VTI1A: variants seen among roughly 807,000 people sequenced by gnomAD.
VTI1A encodes vesicle transport through interaction with t-SNAREs 1A.
In VTI1A, 22 loss-of-function variants were observed where a neutral mutation model predicts 34.9. The ratio of observed to expected loss-of-function variants is 0.63; its 90% confidence interval spans 0.45 to 0.90. The LOEUF is 0.90. VTI1A is among the 40% of genes least tolerant of loss of function. The pLI, the probability that VTI1A is intolerant of heterozygous loss-of-function variation, is 0.00. For missense variants in VTI1A, 268 were observed against 275.6 expected, an observed-to-expected ratio of 0.97 and a Z score of 0.20; for synonymous variants, 87 against 97.3, an observed-to-expected ratio of 0.89 and a Z score of 0.62.
intron 3 of VTI1A, 68 bp downstream of exon 3, chr10:112,464,725 C>A: frequency 7.3e-7 from 1 of 1,375,116 alleles, no homozygotes; most frequent in South Asian, 1.3e-5. Flanking sequence ...ATGCCTCAGT[C>A]AGCATTAAAT....
intron 7 of VTI1A, among the ~76,000 whole-genome samples, chr10:112,762,754 T>C (rs917701674): frequency 6.6e-6 from 1 of 152,142 alleles, no homozygotes. Context: ...AAAATGAACA[T>C]TTTCACTTGA....
At chr10:112,723,678 T>C (rs1849898506) in intron 7 of VTI1A, among the ~76,000 whole-genome samples, 1 of 152,226 alleles carries the variant, frequency 6.6e-6, no homozygotes, top group South Asian at 2.1e-4. Flanking sequence ...AATGCCAGTG[T>C]CCTAATCGTT....
At chr10:112,844,703 ATCC>A in the VTI1A span, among the ~76,000 whole-genome samples, 11 of 152,178 alleles carry the variant, frequency 7.2e-5, no homozygotes, top group Admixed American at 2.0e-4. Context: ...CTGGCGTGTA[ATCC>A]TTTTTTATAA....
chr10:112,703,740 T>C (rs1849096744), intron 7 of VTI1A, among the ~76,000 whole-genome samples: 1 of 152,190 alleles, frequency 6.6e-6, no homozygotes, highest in Non-Finnish European at 1.5e-5. Flanking sequence ...GGTTGTAACA[T>C]TTGAACATTT....
intron 7 of VTI1A, among the ~76,000 whole-genome samples, chr10:112,722,510 A>G (rs929466492): frequency 3.9e-5 from 6 of 152,184 alleles, no homozygotes; most frequent in African/African-American, 1.4e-4. Flanking sequence ...AAAGTATAAT[A>G]ATAAAAAAAT....
chr10:112,815,205 G>C, intron 7 of VTI1A, 85 bp from the exon 8 acceptor site: 1 of 508,634 alleles, frequency 2.0e-6, no homozygotes, highest in Non-Finnish European at 3.1e-6. Flanking sequence ...GCTGCCGTTT[G>C]ATTAGCCAAC....
At chr10:112,570,408 G>A (rs1216140901) in intron 5 of VTI1A, among the ~76,000 whole-genome samples, 1 of 152,160 alleles carries the variant, frequency 6.6e-6, no homozygotes, top group Non-Finnish European at 1.5e-5. Flanking sequence ...TGGCATTCTA[G>A]TAGTAAAATA....
chr10:112,716,722 T>C lies in VTI1A; in HGVS notation c.560+47724T>C, dbSNP rs537133964. Among the ~76,000 whole-genome samples the C allele has an allele frequency of 9.7e-4, 148 of 152,326 alleles. 1 individual carries two copies. Among genetic ancestry groups the C allele is most frequent in the African/African-American group, 3.5e-3 (144 of 41,574 alleles). ...TCAAAAGGAATACTCACTGGAGCAC[T>C]TTGGATTTCTGATTTTTGGATTAGA... On this transcript the variant is annotated intron_variant, in intron 7 of 7. Coordinates refer to ENST00000393077, the MANE Select transcript of VTI1A (RefSeq NM_145206.4).
At chr10:112,703,137 C>T (rs923804192) in intron 7 of VTI1A, among the ~76,000 whole-genome samples, 2 of 151,970 alleles carry the variant, frequency 1.3e-5, no homozygotes, top group Admixed American at 6.6e-5. Flanking sequence ...ATGTCTACTA[C>T]TAGATGTATT....
chr10:112,818,001 C>G lies in VTI1A; in HGVS notation c.*2618C>G, dbSNP rs1300220864. ...ATCAAAAGCAATTTAATTAAAGTCTCTTAAGTTGTAAAGAGTTTTAAATGA... is the reference window on the plus strand; with the variant it reads ...ATCAAAAGCAATTTAATTAAAGTCTGTTAAGTTGTAAAGAGTTTTAAATGA... On this transcript the variant is annotated 3_prime_UTR_variant, in exon 8 of 8. Transcript: ENST00000393077. 1.3e-5 allele frequency: 3 copies of G among 233,194 alleles called. No homozygotes were observed. The highest frequency in any genetic ancestry group is 6.6e-5 in the African/African-American group (3 of 45,340). The allele number at this position is 233,194 out of a possible 1,614,324, so 14.4% of individuals were successfully genotyped here.
intron 5 of VTI1A, among the ~76,000 whole-genome samples, chr10:112,637,669 A>C (rs185297586): frequency 6.6e-5 from 10 of 152,322 alleles, no homozygotes; most frequent in African/African-American, 2.4e-4. Flanking sequence ...CAAAAAAAAA[A>C]CAGCTGTATA....
intron 5 of VTI1A, among the ~76,000 whole-genome samples, chr10:112,633,482 G>A (rs189879986): frequency 1.3e-5 from 2 of 152,250 alleles, no homozygotes; most frequent in Non-Finnish European, 1.5e-5. Flanking sequence ...ATGCTAGCAC[G>A]AAGGGATAAT....
chr10:112,646,261 AAAAAT>A (rs1375144958), intron 5 of VTI1A, among the ~76,000 whole-genome samples: 1 of 152,210 alleles, frequency 6.6e-6, no homozygotes, highest in Non-Finnish European at 1.5e-5. Context: ...TGGAAGTTAA[AAAAAT>A]AAAATAAAAC....
the VTI1A span, among the ~76,000 whole-genome samples, chr10:112,848,375 A>C: frequency 6.6e-6 from 1 of 152,208 alleles, no homozygotes. Context: ...ATAGGCAACG[A>C]TGACTAGGGC....
At chr10:112,795,368 TAA>T (rs200250165) in intron 7 of VTI1A, among the ~76,000 whole-genome samples, 10 of 151,234 alleles carry the variant, frequency 6.6e-5, no homozygotes, top group East Asian at 1.9e-4. Flanking sequence ...TAGAAGTCAC[TAA>T]AAAAAATTTT....
the VTI1A span, among the ~76,000 whole-genome samples, chr10:112,828,164 T>C: frequency 6.6e-6 from 1 of 152,142 alleles, no homozygotes; most frequent in African/African-American, 2.4e-5. Flanking sequence ...ACTAAATGTG[T>C]TGCTCAGTAA....
chr10:112,555,257 C>A (rs1159629257), intron 5 of VTI1A, among the ~76,000 whole-genome samples: 1 of 152,048 alleles, frequency 6.6e-6, no homozygotes, highest in Non-Finnish European at 1.5e-5. Context: ...ACACACACAA[C>A]ATACACAGAG....
chr10:112,727,669 C>G (rs2133951479), intron 7 of VTI1A, among the ~76,000 whole-genome samples: 1 of 152,168 alleles, frequency 6.6e-6, no homozygotes, highest in Admixed American at 6.5e-5. Context: ...GATCCATTTA[C>G]AGGGCAGAAA....
chr10:112,747,839 T>G (rs545319031), intron 7 of VTI1A, among the ~76,000 whole-genome samples: 46 of 152,220 alleles, frequency 3.0e-4, no homozygotes, highest in Non-Finnish European at 6.0e-4. Flanking sequence ...GTTTCTCAGT[T>G]GTACCTAGCA....
Sources: gnomAD v4.1 joint callset for allele counts (sites outside exome capture counted in the v4.1 genomes callset) on GRCh38, gnomAD v4.1.1 for gene constraint, MANE v1.5 for transcripts, NCBI Gene and HGNC (gene_info 2026-07-23, HGNC 2026-07-21) for gene names.